Variants in BOK observed in about 807,000 individuals in gnomAD.
BOK encodes the protein BCL2 family apoptosis regulator BOK.
In BOK, 20 loss-of-function variants were observed where a neutral mutation model predicts 18.3. That is an observed-to-expected ratio of 1.09 (90% CI 0.77 to 1.59). The LOEUF (loss-of-function observed/expected upper bound fraction) is 1.59. Among genes scored for constraint, BOK ranks in the 40% most tolerant of loss-of-function variants. The pLI is 0.00. For synonymous variants in BOK, 173 were observed against 142.4 expected (o/e 1.21, Z -1.53); for missense variants, 348 against 307.9 (o/e 1.13, Z -0.97).
At chr2:241,560,133 C>T (rs998045792) in intron 2 of BOK, 102 of 985,356 alleles carry the variant, frequency 1.0e-4, no homozygotes, top group Non-Finnish European at 1.2e-4. Context: ...CCTCCGAGGC[C>T]CCCCCATTGG....
At chr2:241,567,196 G>C (rs1170884826) in intron 3 of BOK, among the ~76,000 whole-genome samples, 1 of 128,020 alleles carries the variant, frequency 7.8e-6, no homozygotes, top group Non-Finnish European at 1.6e-5. Context: ...ATGAAGAGTT[G>C]TGATCTTGCA....
chr2:241,569,324 G>GGA (rs1196280301), intron 3 of BOK, among the ~76,000 whole-genome samples: 1 of 34,438 alleles, frequency 2.9e-5, no homozygotes, highest in East Asian at 1.1e-3. Flanking sequence ...TAGTAGAGAC[G>GGA]GTTTCACCAT....
upstream of BOK, among the ~76,000 whole-genome samples, chr2:241,557,749 T>C (rs907598418): frequency 1.3e-5 from 2 of 152,202 alleles, no homozygotes; most frequent in African/African-American, 2.4e-5. Flanking sequence ...TATTGACCCA[T>C]TGATTATTTA....
chr2:241,572,234 G>A, intron 4 of BOK, 63 bp from the exon 5 acceptor site: 2 of 1,588,580 alleles, frequency 1.3e-6, no homozygotes, highest in Non-Finnish European at 1.7e-6. Flanking sequence ...TGGGGGGCCT[G>A]GCGGTGCTGG....
chr2:241,551,634 C>G (rs980095658), intron 1 of BOK, among the ~76,000 whole-genome samples: 1 of 151,638 alleles, frequency 6.6e-6, no homozygotes. Flanking sequence ...TAGCAGCAGC[C>G]CCTGCTGTTG....
intron 3 of BOK, among the ~76,000 whole-genome samples, chr2:241,569,405 C>A (rs6437264): frequency 0.48 from 73,469 of 151,982 alleles, 18,021 homozygotes; most frequent in Middle Eastern, 0.55. Flanking sequence ...TGCTGGGATT[C>A]CAGGCGTGAG....
chr2:241,558,450 A>G (rs2066472612), upstream of BOK, among the ~76,000 whole-genome samples: 1 of 152,256 alleles, frequency 6.6e-6, no homozygotes, highest in Non-Finnish European at 1.5e-5. Flanking sequence ...TCCATCTACA[A>G]TACAAAGGGC....
At chr2:241,557,673 G>A (rs949462065), upstream of BOK, among the ~76,000 whole-genome samples, 2 of 152,104 alleles carry the variant, frequency 1.3e-5, no homozygotes, top group African/African-American at 4.8e-5. Context: ...TAGTTGCACT[G>A]TACAGCATTT....
intron 1 of BOK, 81 bp downstream of exon 1, chr2:241,559,074 AC>A (rs1468701660): frequency 6.5e-6 from 1 of 152,712 alleles, no homozygotes; most frequent in Non-Finnish European, 1.4e-5. Flanking sequence ...CGCGCGCAGG[AC>A]GCCAGCGGCG....
intron 3 of BOK, among the ~76,000 whole-genome samples, chr2:241,566,219 G>A (rs963949796): frequency 3.9e-5 from 6 of 152,064 alleles, no homozygotes; most frequent in African/African-American, 1.4e-4. Flanking sequence ...GGGAGGCGCA[G>A]GTTGCGGTGA....
chr2:241,556,995 G>A (rs1270522426), upstream of BOK, among the ~76,000 whole-genome samples: 1 of 152,100 alleles, frequency 6.6e-6, no homozygotes, highest in East Asian at 1.9e-4. Context: ...AATTTCAAAT[G>A]CACTGTCAAA....
chr2:241,563,102 C>A (rs920795855), intron 3 of BOK, among the ~76,000 whole-genome samples: 10 of 152,148 alleles, frequency 6.6e-5, no homozygotes, highest in Non-Finnish European at 1.5e-4. Flanking sequence ...CACCTGTGAC[C>A]CTCCTGTGCG....
chr2:241,567,437 T>C (rs1173611848), intron 3 of BOK, among the ~76,000 whole-genome samples: 1 of 135,144 alleles, frequency 7.4e-6, no homozygotes, highest in Non-Finnish European at 1.6e-5. Flanking sequence ...TGGAATGCAC[T>C]GTTCTGATGG....
Position 241,573,759 on chromosome 2 carries a change from T to C in BOK, c.*1337T>C, listed in dbSNP as rs568637878. 8 of 152,412 alleles carry C rather than the reference T, an allele frequency of 5.2e-5. No individual in the cohort carries two copies. Among genetic ancestry groups the C allele is most frequent in the African/African-American group, 1.4e-4 (6 of 41,590 alleles). The allele number at this position is 152,412 out of a possible 1,614,324, so 9.4% of individuals were successfully genotyped here. A position where few individuals can be genotyped will look rare whatever the true frequency, so the allele number is the denominator to read the frequency against. The stretch of plus-strand genomic sequence containing the variant: ...TACAACCATTTGGGGATGTGCCTAT[T>C]AGGGCTCCGTAAGAACTCAGATGCC... On this transcript the variant is annotated 3_prime_UTR_variant, in exon 5 of 5. Coordinates refer to ENST00000318407, the MANE Select transcript of BOK (RefSeq NM_032515.5).
chr2:241,563,844 G>A (rs568282763), intron 3 of BOK, among the ~76,000 whole-genome samples: 2 of 152,102 alleles, frequency 1.3e-5, no homozygotes, highest in Non-Finnish European at 2.9e-5. Context: ...AGATGGCCTC[G>A]GGACCTCCAC....
rs2066538455 is a variant in BOK at position 241,562,333 on chromosome 2, C to T, written c.221-15C>T. On this transcript the variant is annotated splice_polypyrimidine_tract_variant and intron_variant, in intron 2 of 4. Coordinates refer to ENST00000318407, the MANE Select transcript of BOK (RefSeq NM_032515.5). This position sits in a 1 kb window ranked among gnomAD's most constrained non-coding sequence, Gnocchi z 4.5. ...GGACGTGGGCTGCCTCTCACCTGCT[C>T]TTGTGACCACACAGGCGATGAGCTG... The T allele has an allele frequency of 3.8e-6, 6 of 1,588,416 alleles. No individual in the cohort carries two copies. The highest frequency in any genetic ancestry group is 5.1e-6 in the Non-Finnish European group (6 of 1,168,228).
At chr2:241,571,835 T>G (rs967147866) in intron 4 of BOK, among the ~76,000 whole-genome samples, 1 of 152,248 alleles carries the variant, frequency 6.6e-6, no homozygotes, top group Admixed American at 6.5e-5. Context: ...CTGCTGTTGT[T>G]CCAGGCAGAG....
chr2:241,572,332 T>TG lies in BOK; in HGVS notation c.551dup (p.Leu185ProfsTer85). 6.2e-7 allele frequency: 1 copy of TG among 1,611,194 alleles called. No individual in the cohort carries two copies. The highest frequency in any genetic ancestry group is 1.1e-5 in the South Asian group (1 of 90,950). On this transcript the variant is annotated frameshift_variant, in exon 5 of 5. Coordinates refer to ENST00000318407, the MANE Select transcript of BOK (RefSeq NM_032515.5). LOFTEE classifies it high-confidence loss of function. ...TCAAGTGTGTGGTCAGCACAGACCC[T>TG]GGCCTCCGCTCCCACTGGCTGGTGG... is the stretch of plus-strand genomic sequence containing the variant.
chr2:241,568,946 AACTCCCTCCAGGGACCACTGCTG>A (rs1022683344), intron 3 of BOK, among the ~76,000 whole-genome samples: 10 of 152,176 alleles, frequency 6.6e-5, no homozygotes, highest in East Asian at 5.8e-4. Context: ...TCCTCAGGCT[AACTCCCTCCAGGGACCACTGCTG>A]ACTCCCTCCG....
Sources: allele counts gnomAD v4.1 joint callset (sites outside exome capture counted in the v4.1 genomes callset), GRCh38; gene constraint gnomAD v4.1.1; non-coding constraint Gnocchi (gnomAD v3.1); transcripts MANE v1.5; gene names NCBI Gene and HGNC (gene_info 2026-07-23, HGNC 2026-07-21).